The following FAM227B variants were observed in gnomAD, a reference collection of about 807,000 sequenced individuals.
The protein encoded by FAM227B is protein FAM227B.
Under a neutral mutation model 73.8 loss-of-function variants are expected in FAM227B, and 88 were observed. That is an observed-to-expected ratio of 1.19 (90% CI 1.00 to 1.42). The LOEUF (loss-of-function observed/expected upper bound fraction) is 1.42, where lower values mean the gene tolerates loss of function less well. Among genes scored for constraint, FAM227B ranks in the 40% most tolerant of loss-of-function variants. The pLI is 0.00. For missense variants in FAM227B, 632 were observed against 590.9 expected, an observed-to-expected ratio of 1.07 and a Z score of -0.72; for synonymous variants, 210 against 190.5, an observed-to-expected ratio of 1.10 and a Z score of -0.84.
At chr15:49,566,119 T>G (rs1219057741) in intron 9 of FAM227B, among the ~76,000 whole-genome samples, 1 of 152,246 alleles carries the variant, frequency 6.6e-6, no homozygotes, top group Non-Finnish European at 1.5e-5. Context: ...AGGAGACTAA[T>G]ACAGTCACTT....
chr15:49,429,825 G>T (rs1472716895), intron 11 of FAM227B, among the ~76,000 whole-genome samples: 1 of 151,844 alleles, frequency 6.6e-6, no homozygotes, highest in Admixed American at 6.6e-5. Context: ...TTAGATTACT[G>T]GGGAATTAAG....
At chr15:49,557,249 T>G (rs1459158324) in intron 9 of FAM227B, among the ~76,000 whole-genome samples, 3 of 152,214 alleles carry the variant, frequency 2.0e-5, no homozygotes, top group Non-Finnish European at 4.4e-5. Context: ...ATATGTCTTT[T>G]TTTTTCTTAT....
At chr15:49,488,097 G>A (rs1597514872) in intron 11 of FAM227B, 1 of 151,926 alleles carries the variant, frequency 6.6e-6, no homozygotes, top group African/African-American at 2.4e-5. Flanking sequence ...CTGATACATC[G>A]AAATGGATGC....
intron 11 of FAM227B, among the ~76,000 whole-genome samples, chr15:49,502,181 A>G (rs2058192992): frequency 6.6e-6 from 1 of 152,204 alleles, no homozygotes; most frequent in Non-Finnish European, 1.5e-5. Flanking sequence ...AAGAGCCCCC[A>G]CACAGAGTAC....
At position 49,576,850 on chromosome 15, in the gene FAM227B, A is replaced by G. The variant is rs1567617044; in HGVS notation, c.442-5T>C. On this transcript the variant is annotated splice_region_variant and splice_polypyrimidine_tract_variant and intron_variant, in intron 6 of 15. Coordinates refer to ENST00000299338, the MANE Select transcript of FAM227B (RefSeq NM_152647.3). Reference sequence around the variant, plus strand: ...GAATCCTGTGAAGCTGCAACCCTAGAAAGAGGAAAATATAACAGGAGAGTA... The same window carrying G: ...GAATCCTGTGAAGCTGCAACCCTAGGAAGAGGAAAATATAACAGGAGAGTA... 1 of 1,576,174 alleles carries G rather than the reference A, an allele frequency of 6.3e-7. No individual in the cohort carries two copies. Among genetic ancestry groups the G allele is most frequent in the Admixed American group, 1.7e-5 (1 of 58,794 alleles).
intron 10 of FAM227B, among the ~76,000 whole-genome samples, chr15:49,515,515 A>T (rs1000978383): frequency 1.3e-5 from 2 of 152,076 alleles, no homozygotes; most frequent in Admixed American, 6.6e-5. Context: ...GCTTTTTTGC[A>T]TACCTTATAA....
chr15:49,567,791 C>T (rs993594511), intron 9 of FAM227B, among the ~76,000 whole-genome samples: 1 of 152,026 alleles, frequency 6.6e-6, no homozygotes. Flanking sequence ...AGTACAATAA[C>T]AGAAAAGCAC....
chr15:49,345,944 G>A (rs2041415786), intron 13 of FAM227B, among the ~76,000 whole-genome samples: 1 of 152,120 alleles, frequency 6.6e-6, no homozygotes, highest in Non-Finnish European at 1.5e-5. Context: ...TGGCCCAGGG[G>A]CAAATTTCGT....
chr15:49,334,334 G>T, intron 14 of FAM227B: 1 of 615,318 alleles, frequency 1.6e-6, no homozygotes, highest in Non-Finnish European at 2.0e-6. Context: ...AAATAATGCA[G>T]GCATTACTAA....
At chr15:49,338,995 T>A (rs2040247549) in intron 13 of FAM227B, among the ~76,000 whole-genome samples, 1 of 152,208 alleles carries the variant, frequency 6.6e-6, no homozygotes, top group Non-Finnish European at 1.5e-5. Flanking sequence ...CTTATGTTCT[T>A]CTCTAAACTG....
intron 11 of FAM227B, among the ~76,000 whole-genome samples, chr15:49,458,025 T>A (rs532985356): frequency 1.3e-5 from 2 of 152,134 alleles, no homozygotes; most frequent in African/African-American, 4.8e-5. Context: ...ATTCACTTTA[T>A]AGCAAGATTG....
At chr15:49,367,927 C>A (rs2151459412) in intron 12 of FAM227B, 1 of 160,610 alleles carries the variant, frequency 6.2e-6, no homozygotes, top group South Asian at 2.0e-4. Flanking sequence ...GGAAAAATAT[C>A]TGAACAAATG....
intron 11 of FAM227B, among the ~76,000 whole-genome samples, chr15:49,489,961 C>T (rs376424103): frequency 1.1e-4 from 15 of 142,514 alleles, no homozygotes; most frequent in African/African-American, 2.0e-4. Flanking sequence ...TAGGCCCCAA[C>T]GCAGGCCAAT....
intron 2 of FAM227B, among the ~76,000 whole-genome samples, chr15:49,612,189 C>A (rs1411377767): frequency 6.6e-6 from 1 of 151,844 alleles, no homozygotes; most frequent in Non-Finnish European, 1.5e-5. Flanking sequence ...TGTGCTGCAC[C>A]CATTAACTCG....
chr15:49,407,362 C>T (rs1373263336), intron 11 of FAM227B, among the ~76,000 whole-genome samples: 2 of 152,028 alleles, frequency 1.3e-5, no homozygotes, highest in Admixed American at 6.5e-5. Flanking sequence ...TGCACCATAG[C>T]CCAGGGCAGG....
chr15:49,481,437 T>C (rs894042418), intron 11 of FAM227B, among the ~76,000 whole-genome samples: 4 of 152,238 alleles, frequency 2.6e-5, no homozygotes, highest in East Asian at 3.9e-4. Context: ...AGTTACCAAA[T>C]AGAGTGCTCT....
In FAM227B at chr15:49,332,662, C is replaced by T. The variant is rs117275457; in HGVS notation, c.1350-813G>A. 7.5e-3 allele frequency among the ~76,000 whole-genome samples: 1,147 copies of T among 152,324 alleles called. 6 individuals carry two copies. The highest frequency in any genetic ancestry group is 0.012 in the Non-Finnish European group (850 of 68,026). On this transcript the variant is annotated intron_variant, in intron 14 of 15. Transcript: ENST00000299338. ...AAAGGATATATAAGACTATTAATTT[C>T]ACTGGCAATTTTCAAGTGAAATATT...
In FAM227B at chr15:49,563,920, T is replaced by C. The variant is rs141322385; in HGVS notation, c.747+4325A>G. On this transcript the variant is annotated intron_variant, in intron 9 of 15. Coordinates refer to ENST00000299338, the MANE Select transcript of FAM227B (RefSeq NM_152647.3). ...ACCTAGGAAGTACCTTTCTGGACATTGGCCTTGGCAGAGAATTTACGACTA... is the reference window on the plus strand; with the variant it reads ...ACCTAGGAAGTACCTTTCTGGACATCGGCCTTGGCAGAGAATTTACGACTA... Among the ~76,000 whole-genome samples the C allele has an allele frequency of 2.4e-4, 36 of 152,218 alleles. No homozygotes were observed. In the East Asian group the frequency reaches 6.4e-3, roughly 27 times the overall value.
chr15:49,530,802 A>G (rs982411652), intron 10 of FAM227B, among the ~76,000 whole-genome samples: 1 of 151,760 alleles, frequency 6.6e-6, no homozygotes, highest in African/African-American at 2.4e-5. Flanking sequence ...GAGTTTTAAT[A>G]GAAGAAAATA....
Sources: allele counts gnomAD v4.1 joint callset (sites outside exome capture counted in the v4.1 genomes callset), GRCh38; gene constraint gnomAD v4.1.1; transcripts MANE v1.5; gene names NCBI Gene and HGNC (gene_info 2026-07-23, HGNC 2026-07-21).